LRRC7: variants seen among roughly 807,000 people sequenced by gnomAD.
The protein encoded by LRRC7 is leucine rich repeat containing 7.
Under a neutral mutation model 175.7 loss-of-function variants are expected in LRRC7, and 23 were observed. The ratio of observed to expected loss-of-function variants is 0.13; its 90% confidence interval spans 0.09 to 0.19. The LOEUF is 0.19. Among genes scored for constraint, LRRC7 ranks in the 10% least tolerant of loss-of-function variants. The pLI is 1.00. For missense variants in LRRC7, 1,354 were observed against 1,904.7 expected (o/e 0.71, Z 5.38); for synonymous variants, 685 against 680.9 (o/e 1.01, Z -0.09).
intron 2 of LRRC7, among the ~76,000 whole-genome samples, chr1:69,697,895 A>C (rs2100684147): frequency 6.6e-6 from 1 of 152,350 alleles, no homozygotes; most frequent in Middle Eastern, 3.4e-3. Context: ...CATGGGGCTT[A>C]CTGCTGTACA....
chr1:69,882,181 C>G (rs773068330), intron 7 of LRRC7, among the ~76,000 whole-genome samples: 9 of 152,002 alleles, frequency 5.9e-5, no homozygotes, highest in Non-Finnish European at 1.3e-4. Context: ...TGAGTTATCA[C>G]AGTATACCAG....
intron 7 of LRRC7, chr1:69,919,981 T>A: frequency 1.9e-6 from 1 of 523,166 alleles, no homozygotes; most frequent in South Asian, 2.3e-5. Flanking sequence ...CTGGGGGCCC[T>A]TCCAGACTGG....
rs1666795597 is a variant in LRRC7 at position 70,134,635 on chromosome 1, A to C, written c.*12748A>C. ...TCTGGTGTTTTCCTCCAAAAAAAAC[A>C]ATTTCCTTCTAGCCACATGATCACC... On this transcript the variant is annotated 3_prime_UTR_variant, in exon 27 of 27. Transcript: ENST00000651989. Among the ~76,000 whole-genome samples, 1 of 152,204 alleles carries C rather than the reference A, an allele frequency of 6.6e-6. No homozygotes were observed. The highest frequency in any genetic ancestry group is 1.5e-5 in the Non-Finnish European group (1 of 68,030).
chr1:69,690,019 T>C (rs1377761341), intron 2 of LRRC7, among the ~76,000 whole-genome samples: 3 of 152,166 alleles, frequency 2.0e-5, no homozygotes, highest in African/African-American at 7.2e-5. Context: ...TTGAAGCATT[T>C]TAGTTATATG....
chr1:70,028,611 C>T (rs1352350024), intron 18 of LRRC7, among the ~76,000 whole-genome samples: 2 of 152,160 alleles, frequency 1.3e-5, no homozygotes, highest in Admixed American at 6.6e-5. Flanking sequence ...TGAATAAGTT[C>T]GTCACCCAGC....
At chr1:69,779,884 T>TAA (rs944358723) in intron 3 of LRRC7, among the ~76,000 whole-genome samples, 22 of 152,080 alleles carry the variant, frequency 1.4e-4, no homozygotes, top group Admixed American at 1.0e-3. Context: ...TGTCCAGTAC[T>TAA]ATACCTGTCC....
chr1:69,611,328 A>T (rs1329989853), intron 1 of LRRC7, among the ~76,000 whole-genome samples: 1 of 151,842 alleles, frequency 6.6e-6, no homozygotes, highest in Non-Finnish European at 1.5e-5. Context: ...TTTTATATAA[A>T]TTTTTTTAAT....
intron 8 of LRRC7, among the ~76,000 whole-genome samples, chr1:69,955,522 G>A (rs914449721): frequency 4.6e-5 from 7 of 151,982 alleles, no homozygotes; most frequent in Non-Finnish European, 7.4e-5. Context: ...AAGGCAGGTG[G>A]CTAGGGTGAA....
chr1:69,626,942 A>G (rs1307330842), intron 1 of LRRC7, among the ~76,000 whole-genome samples: 1 of 152,100 alleles, frequency 6.6e-6, no homozygotes, highest in Non-Finnish European at 1.5e-5. Flanking sequence ...CATAGTGTAT[A>G]TGTGCCACAT....
intron 7 of LRRC7, among the ~76,000 whole-genome samples, chr1:69,923,863 A>ATG (rs1035807419): frequency 5.9e-5 from 9 of 152,034 alleles, no homozygotes; most frequent in Non-Finnish European, 7.4e-5. Context: ...TGTTTTAGAC[A>ATG]TGAAGTCCTT....
intron 11 of LRRC7, 104 bp from the exon 12 acceptor site, chr1:70,011,693 C>T (rs1373829811): frequency 1.4e-5 from 10 of 698,114 alleles, no homozygotes; most frequent in African/African-American, 5.4e-5. Flanking sequence ...ATGTTGTTAC[C>T]GCATGAATAA....
rs1302024003 is a variant in LRRC7 at position 69,819,525 on chromosome 1, A to C, written c.422-6223A>C. Among the ~76,000 whole-genome samples the C allele has an allele frequency of 2.7e-5, 4 of 146,352 alleles. 1 individual carries two copies. The highest frequency in any genetic ancestry group is 1.0e-4 in the African/African-American group (4 of 39,738). On this transcript the variant is annotated intron_variant, in intron 4 of 26. Transcript: ENST00000651989. ...AATATTTCATGTGTGCTTGAGATTA[A>C]TGTGTATTCTGCTGCTGTTGAATGG...
At chr1:69,674,157 T>G (rs967268117) in intron 1 of LRRC7, among the ~76,000 whole-genome samples, 3 of 152,088 alleles carry the variant, frequency 2.0e-5, no homozygotes, top group Non-Finnish European at 4.4e-5. Context: ...AAAATATAAG[T>G]GTTAATATTA....
At position 70,126,923 on chromosome 1, in the gene LRRC7, T is replaced by G. The variant is rs147236178; in HGVS notation, c.*5036T>G. On this transcript the variant is annotated 3_prime_UTR_variant, in exon 27 of 27. Coordinates refer to ENST00000651989, the MANE Select transcript of LRRC7 (RefSeq NM_001370785.2). Reference sequence around the variant, plus strand: ...GATCCGTCCCTCCAACTCCCCATGTTTTTCCAAAGGCAGTGGATGTCTGCT... The same window carrying G: ...GATCCGTCCCTCCAACTCCCCATGTGTTTCCAAAGGCAGTGGATGTCTGCT... Among the ~76,000 whole-genome samples, 1 of 152,272 alleles carries G rather than the reference T, an allele frequency of 6.6e-6. No individual in the cohort carries two copies. Among genetic ancestry groups the G allele is most frequent in the East Asian group, 1.9e-4 (1 of 5,184 alleles).
intron 2 of LRRC7, among the ~76,000 whole-genome samples, chr1:69,718,117 G>GAAAGAAAGA (rs1481479508): frequency 6.2e-4 from 51 of 81,778 alleles, no homozygotes; most frequent in Non-Finnish European, 1.0e-3. Context: ...GAAAAAGAAA[G>GAAAGAAAGA]AAAGAAAGAA....
At chr1:69,602,553 A>C (rs1363049055) in intron 1 of LRRC7, among the ~76,000 whole-genome samples, 3 of 150,702 alleles carry the variant, frequency 2.0e-5, no homozygotes, top group African/African-American at 7.5e-5. Context: ...GTTCTATGCT[A>C]TCATGGTATT....
chr1:69,922,221 C>T (rs1014434427), intron 7 of LRRC7, among the ~76,000 whole-genome samples: 16 of 152,146 alleles, frequency 1.1e-4, no homozygotes, highest in African/African-American at 3.4e-4. Context: ...CCACCGTGCC[C>T]GGCACATTTT....
At chr1:69,707,724 C>T (rs1664223431) in intron 2 of LRRC7, among the ~76,000 whole-genome samples, 1 of 152,160 alleles carries the variant, frequency 6.6e-6, no homozygotes, top group African/African-American at 2.4e-5. Flanking sequence ...TTTAGAAAGT[C>T]ATCTCTAGAC....
chr1:69,991,010 C>T (rs1248411243), intron 10 of LRRC7, among the ~76,000 whole-genome samples: 1 of 151,872 alleles, frequency 6.6e-6, no homozygotes, highest in Non-Finnish European at 1.5e-5. Flanking sequence ...AAAAAATTAC[C>T]CAGGCACAGT....
Sources: allele counts gnomAD v4.1 joint callset (sites outside exome capture counted in the v4.1 genomes callset), GRCh38; gene constraint gnomAD v4.1.1; transcripts MANE v1.5; gene names NCBI Gene and HGNC (gene_info 2026-07-23, HGNC 2026-07-21).